TK2: variants seen among roughly 807,000 people sequenced by gnomAD.
The protein encoded by TK2 is thymidine kinase 2.
Under a neutral mutation model 41.9 loss-of-function variants are expected in TK2, and 35 were observed. The ratio of observed to expected loss-of-function variants is 0.84; its 90% CI spans 0.64 to 1.11. The LOEUF is 1.11. Among genes scored for constraint, TK2 ranks in the 50% least tolerant of loss-of-function variants. The probability of loss-of-function intolerance (pLI) is 0.00; values close to 1 mark genes in which losing one functional copy is unlikely to be tolerated. For missense variants in TK2, 320 were observed against 351.1 expected, an observed-to-expected ratio of 0.91 and a Z score of 0.71; for synonymous variants, 128 against 129.1, an observed-to-expected ratio of 0.99 and a Z score of 0.06.
intron 4 of TK2, among the ~76,000 whole-genome samples, chr16:66,531,911 G>A (rs1467161464): frequency 6.6e-6 from 1 of 151,992 alleles, no homozygotes; most frequent in Non-Finnish European, 1.5e-5. Context: ...GGGTACAATG[G>A]GTACTCATGG....
chr16:66,541,326 T>C (rs1012761837), intron 3 of TK2, among the ~76,000 whole-genome samples: 1 of 152,224 alleles, frequency 6.6e-6, no homozygotes, highest in Non-Finnish European at 1.5e-5. Context: ...CAAGATAGAA[T>C]GCAAAATAGC....
chr16:66,512,121 T>C, intron 9 of TK2, 55 bp from the exon 10 acceptor site: 2 of 1,475,918 alleles, frequency 1.4e-6, no homozygotes, highest in Non-Finnish European at 1.9e-6. Context: ...AGCATCCTCC[T>C]TTCACAGCTG....
chr16:66,542,728 C>T (rs150432287), intron 2 of TK2, among the ~76,000 whole-genome samples: 1 of 152,288 alleles, frequency 6.6e-6, no homozygotes, highest in Non-Finnish European at 1.5e-5. Context: ...AGTAACTCAT[C>T]TTAGGGAGAG....
intron 5 of TK2, among the ~76,000 whole-genome samples, chr16:66,529,737 C>T (rs1246758093): frequency 6.6e-6 from 1 of 152,230 alleles, no homozygotes. Flanking sequence ...TGGCCCACAG[C>T]ACCCATGGGA....
At position 66,511,984 on chromosome 16, in the gene TK2, C is replaced by T. The variant is rs780483040; in HGVS notation, c.782G>A (p.Arg261Gln). 41 of 1,614,182 alleles carry T rather than the reference C, an allele frequency of 2.5e-5. No homozygotes were observed. The highest frequency in any genetic ancestry group is 1.7e-4 in the Admixed American group (10 of 60,024). The part of the protein sequence containing the change: ...NRDRILTPEN[R>Q]KHCP ...TTTTGCCTCCTATGGGCAATGCTTC[C>T]GATTCTCTGGAGTTAATATTCGATC... The change falls in exon 10 of 10, where the codon CGG becomes CAG. Residue 261 changes from arginine to glutamine, a missense_variant. Coordinates refer to ENST00000544898, the MANE Select transcript of TK2 (RefSeq NM_004614.5).
rs926591752 is a variant in TK2, at chr16:66,517,417, G to T, written c.539-202C>A. 3.1e-6 allele frequency: 2 copies of T among 653,492 alleles called. No homozygotes were observed. The highest frequency in any genetic ancestry group is 3.6e-5 in the African/African-American group (2 of 55,570). 40.5% of individuals were successfully genotyped at this position (653,492 alleles called of 1,614,324 possible). A position where few individuals can be genotyped will look rare whatever the true frequency, so the allele number is the denominator to read the frequency against. On this transcript the variant is annotated intron_variant, in intron 7 of 9. Transcript: ENST00000544898. The surrounding 1 kb of genome is among the most constrained non-coding windows in gnomAD (Gnocchi z 4.3). ...GGCCCCGTGGGGTCGTTTTGAGGCTGAATGGGATTCTGTTCATAGACAGAG... is the reference window on the plus strand; with the variant it reads ...GGCCCCGTGGGGTCGTTTTGAGGCTTAATGGGATTCTGTTCATAGACAGAG...
At chr16:66,531,343 C>T (rs769911780) in intron 5 of TK2, 37 bp downstream of exon 5, 2 of 1,600,234 alleles carry the variant, frequency 1.2e-6, no homozygotes, top group Non-Finnish European at 1.7e-6. Context: ...CTGAAGAAAA[C>T]GTTTAAGAAG....
chr16:66,539,810 G>T (rs1965402947), intron 3 of TK2, among the ~76,000 whole-genome samples: 1 of 152,114 alleles, frequency 6.6e-6, no homozygotes, highest in Admixed American at 6.6e-5. Context: ...CCTGAACCTG[G>T]GAGTTCAGGG....
intron 6 of TK2, 136 bp from the exon 7 acceptor site, chr16:66,518,013 T>C: frequency 1.3e-6 from 1 of 765,494 alleles, no homozygotes; most frequent in Non-Finnish European, 2.3e-6. Flanking sequence ...ATCCGTGCAA[T>C]ACTGGACATG....
intron 4 of TK2, among the ~76,000 whole-genome samples, chr16:66,532,636 T>C: frequency 6.6e-6 from 1 of 151,418 alleles, no homozygotes; most frequent in South Asian, 2.1e-4. Context: ...AATTAATTAA[T>C]AAAAGTAAAA....
rs543551791 is a variant in TK2, at chr16:66,509,634, G to C, written c.*2334C>G. 6.6e-6 allele frequency: 1 copy of C among 152,414 alleles called. No homozygotes were observed. Among genetic ancestry groups the C allele is most frequent in the East Asian group, 1.9e-4 (1 of 5,186 alleles). 9.4% of individuals were successfully genotyped at this position (152,414 alleles called of 1,614,324 possible). A position where few individuals can be genotyped will look rare whatever the true frequency, so the allele number is the denominator to read the frequency against. ...AACTCCAGTCTCACAGCAAGGATGA[G>C]GTGAGCCCAACATATCTGGAATGTC... On this transcript the variant is annotated 3_prime_UTR_variant, in exon 10 of 10. Coordinates refer to ENST00000544898, the MANE Select transcript of TK2 (RefSeq NM_004614.5).
intron 2 of TK2, chr16:66,546,753 ATT>A (rs201152895): frequency 3.8e-4 from 52 of 135,658 alleles, no homozygotes; most frequent in East Asian, 3.2e-3. Flanking sequence ...CTACTATTTG[ATT>A]TTTTTTTTTT....
rs1035210877 is a variant in TK2, at chr16:66,508,895, G to A, written c.*3073C>T. The A allele has an allele frequency of 7.2e-5, 11 of 152,272 alleles. No individual in the cohort carries two copies. Among genetic ancestry groups the A allele is most frequent in the Non-Finnish European group, 1.5e-4 (10 of 68,056 alleles). 9.4% of individuals were successfully genotyped at this position (152,272 alleles called of 1,614,324 possible). A position where few individuals can be genotyped will look rare whatever the true frequency, so the allele number is the denominator to read the frequency against. On this transcript the variant is annotated 3_prime_UTR_variant, in exon 10 of 10. Transcript: ENST00000544898. The stretch of plus-strand genomic sequence containing the variant: ...CTCATGTTATTGGAACAAGGATGAG[G>A]TGGTTTCATTCCTCACAGAGTTAGG...
intron 2 of TK2, 135 bp from the exon 3 acceptor site, chr16:66,542,088 C>T: frequency 1.1e-6 from 1 of 896,140 alleles, no homozygotes; most frequent in Non-Finnish European, 1.8e-6. Flanking sequence ...AAACCAAAAT[C>T]CCTCCTCGGG....
intron 6 of TK2, among the ~76,000 whole-genome samples, chr16:66,523,037 C>T (rs1964828352): frequency 1.3e-5 from 2 of 152,102 alleles, no homozygotes; most frequent in Non-Finnish European, 2.9e-5. Context: ...TTTTCCCTGG[C>T]GAGCTCTTCA....
In TK2 at chr16:66,529,052, AC is replaced by A; in HGVS notation, c.390del (p.Leu131Ter). On this transcript the variant is annotated frameshift_variant, in exon 6 of 10. Transcript: ENST00000544898. LOFTEE classifies it high-confidence loss of function. ...RHTRPQVSSV[R>X]LMERSIHSAR... Reference sequence around the variant, plus strand: ...GCGCTGTGAATCGACCTCTCCATCAACCGTACAGATGACACCTAAAGGAAAA... The same window carrying A: ...GCGCTGTGAATCGACCTCTCCATCAACGTACAGATGACACCTAAAGGAAAA... 2 of 1,614,082 alleles carry A rather than the reference AC, an allele frequency of 1.2e-6. No individual in the cohort carries two copies. The highest frequency in any genetic ancestry group is 8.5e-7 in the Non-Finnish European group (1 of 1,180,016).
intron 6 of TK2, among the ~76,000 whole-genome samples, chr16:66,519,053 C>T (rs1001089078): frequency 1.3e-5 from 2 of 152,070 alleles, no homozygotes; most frequent in African/African-American, 4.8e-5. Context: ...GCTCCGCCCC[C>T]CAGGTTCACG....
In TK2 at chr16:66,519,869, G is replaced by A. The variant is rs564797572; in HGVS notation, c.450-1992C>T. ...GGAGGGGCTGACTCCAGTCCCACGAGGGGATGAGCATGGAAGGAAGTAAGA... is the reference window on the plus strand; with the variant it reads ...GGAGGGGCTGACTCCAGTCCCACGAAGGGATGAGCATGGAAGGAAGTAAGA... On this transcript the variant is annotated intron_variant, in intron 6 of 9. Coordinates refer to ENST00000544898, the MANE Select transcript of TK2 (RefSeq NM_004614.5). Among the ~76,000 whole-genome samples the A allele has an allele frequency of 2.0e-5, 3 of 152,314 alleles. No individual in the cohort carries two copies. In the East Asian group the frequency reaches 5.8e-4, roughly 29 times the overall value.
chr16:66,524,708 G>C (rs960776367), intron 6 of TK2: 2 of 152,252 alleles, frequency 1.3e-5, no homozygotes, highest in Non-Finnish European at 2.9e-5. Context: ...GGTCCCACCT[G>C]GGCACCTGCT....
Sources: allele counts gnomAD v4.1 joint callset (sites outside exome capture counted in the v4.1 genomes callset), GRCh38; gene constraint gnomAD v4.1.1; non-coding constraint Gnocchi (gnomAD v3.1); transcripts MANE v1.5; gene names NCBI Gene and HGNC (gene_info 2026-07-23, HGNC 2026-07-21).